The following DPF3 variants were observed in gnomAD, a reference collection of about 807,000 sequenced individuals.
DPF3 encodes the protein zinc finger protein DPF3.
A neutral mutation model predicts 56.8 loss-of-function variants in DPF3; 18 were observed. That is an observed-to-expected ratio of 0.32 (90% CI 0.22 to 0.47). The LOEUF (loss-of-function observed/expected upper bound fraction) is 0.47, where lower values mean the gene tolerates loss of function less well. Ranked by LOEUF, DPF3 falls within the 20% of genes least tolerant of loss-of-function variation. The pLI is 1.00. For synonymous variants in DPF3, 188 were observed against 180.2 expected (o/e 1.04, Z -0.35); for missense variants, 403 against 488.8 (o/e 0.82, Z 1.65).
At chr14:72,881,468 G>A (rs746022165) in intron 1 of DPF3, among the ~76,000 whole-genome samples, 4 of 152,076 alleles carry the variant, frequency 2.6e-5, no homozygotes, top group Non-Finnish European at 4.4e-5. Context: ...TCCCTGTGTC[G>A]ATAGTGGGAA....
At chr14:72,857,294 G>C (rs911947147) in intron 1 of DPF3, among the ~76,000 whole-genome samples, 1 of 151,976 alleles carries the variant, frequency 6.6e-6, no homozygotes, top group African/African-American at 2.4e-5. Flanking sequence ...GATTTTATGG[G>C]GGAAAAGAAT....
chr14:72,737,124 C>T (rs568941080), intron 3 of DPF3, among the ~76,000 whole-genome samples: 6 of 151,130 alleles, frequency 4.0e-5, no homozygotes, highest in East Asian at 3.9e-4. Context: ...AAAAAACCTC[C>T]GAGACAAACA....
rs1883874874 is a variant in DPF3 at position 72,613,302 on chromosome 14, G to T, written c.*5995C>A. 6.6e-6 allele frequency among the ~76,000 whole-genome samples: 1 copy of T among 152,132 alleles called. No individual in the cohort carries two copies. Among genetic ancestry groups the T allele is most frequent in the African/African-American group, 2.4e-5 (1 of 41,418 alleles). On this transcript the variant is annotated 3_prime_UTR_variant, in exon 11 of 11. Transcript: ENST00000556509. ...ATGGCCGCGTTTATTTGCTAGACAG[G>T]GTTGGTGCCAGCCTACAGGGCCATT... is the stretch of plus-strand genomic sequence containing the variant.
chr14:72,741,008 T>C (rs897856838), intron 3 of DPF3, among the ~76,000 whole-genome samples: 2 of 152,022 alleles, frequency 1.3e-5, no homozygotes, highest in Admixed American at 6.5e-5. Flanking sequence ...AGTTCAAATA[T>C]AGCCTAAGGA....
At chr14:72,685,580 C>T (rs1887373188) in intron 7 of DPF3, among the ~76,000 whole-genome samples, 2 of 152,192 alleles carry the variant, frequency 1.3e-5, no homozygotes, top group South Asian at 4.1e-4. Context: ...TGGTACATGA[C>T]TCATGAATTC....
At chr14:72,698,285 G>A (rs1260457668) in intron 6 of DPF3, among the ~76,000 whole-genome samples, 1 of 152,168 alleles carries the variant, frequency 6.6e-6, no homozygotes, top group Non-Finnish European at 1.5e-5. Context: ...CTGTTTTTCA[G>A]TTCAGTATTC....
At chr14:72,730,467 C>T (rs1217674952) in intron 4 of DPF3, among the ~76,000 whole-genome samples, 1 of 152,114 alleles carries the variant, frequency 6.6e-6, no homozygotes, top group African/African-American at 2.4e-5. Flanking sequence ...GAGAAGAAGG[C>T]CAAATTCTGT....
intron 4 of DPF3, among the ~76,000 whole-genome samples, chr14:72,727,948 T>A (rs912346041): frequency 2.0e-5 from 3 of 152,228 alleles, no homozygotes; most frequent in Non-Finnish European, 4.4e-5. Flanking sequence ...AGCAGACCCA[T>A]GCGCTGCACT....
intron 1 of DPF3, among the ~76,000 whole-genome samples, chr14:72,813,712 C>T (rs970958820): frequency 6.6e-6 from 1 of 152,214 alleles, no homozygotes; most frequent in African/African-American, 2.4e-5. Context: ...AGGCAGGGCA[C>T]TTAACCTTTA....
At chr14:72,672,929 T>TA (rs1443510590) in intron 8 of DPF3, among the ~76,000 whole-genome samples, 8 of 152,004 alleles carry the variant, frequency 5.3e-5, no homozygotes, top group Non-Finnish European at 1.2e-4. Context: ...TTAAGTATCT[T>TA]AAAAAAACAG....
At chr14:72,722,941 C>T (rs1329635061) in intron 5 of DPF3, among the ~76,000 whole-genome samples, 1 of 152,090 alleles carries the variant, frequency 6.6e-6, no homozygotes, top group Non-Finnish European at 1.5e-5. Flanking sequence ...TCTCAAGCCT[C>T]CAGAGCTCAT....
chr14:72,835,637 A>G (rs1242335252), intron 1 of DPF3, among the ~76,000 whole-genome samples: 1 of 152,112 alleles, frequency 6.6e-6, no homozygotes, highest in Non-Finnish European at 1.5e-5. Context: ...GAGACCCTTA[A>G]ATGTCTTCAC....
In DPF3 at chr14:72,701,544, C is replaced by T. The variant is rs565246387; in HGVS notation, c.605-8331G>A. Among the ~76,000 whole-genome samples, 8 of 152,236 alleles carry T rather than the reference C, an allele frequency of 5.3e-5. No individual in the cohort carries two copies. In the South Asian group the frequency reaches 6.2e-4, roughly 12 times the overall value. On this transcript the variant is annotated intron_variant, in intron 6 of 10. Transcript: ENST00000556509. ...AAACCTACCCCACTCCTAGTCTGGG[C>T]GGGGGTCGGGGGGAGCAGGGAGGAG...
At chr14:72,667,443 A>C (rs900160785) in intron 8 of DPF3, among the ~76,000 whole-genome samples, 1 of 152,184 alleles carries the variant, frequency 6.6e-6, no homozygotes, top group Non-Finnish European at 1.5e-5. Flanking sequence ...GGACTCAGAA[A>C]ACTCAGGGTG....
In DPF3 at chr14:72,670,209, A is replaced by G. The variant is rs796548903; in HGVS notation, c.871+4031T>C. On this transcript the variant is annotated intron_variant, in intron 8 of 10. Coordinates refer to ENST00000556509, the MANE Select transcript of DPF3 (RefSeq NM_001280542.3). Reference sequence around the variant, plus strand: ...GAAACACACGATGATGTCTCCTTCTATCTTCCAGAAGCACGGCCTCGGCCT... The same window carrying G: ...GAAACACACGATGATGTCTCCTTCTGTCTTCCAGAAGCACGGCCTCGGCCT... 6.2e-5 allele frequency: 61 copies of G among 986,012 alleles called. No individual in the cohort carries two copies. In the African/African-American group the frequency reaches 9.6e-4, roughly 15 times the overall value. The allele number at this position is 986,012 out of a possible 1,614,324, so 61.1% of individuals were successfully genotyped here. A position where few individuals can be genotyped will look rare whatever the true frequency, so the allele number is the denominator to read the frequency against.
chr14:72,632,369 G>A (rs997385580), intron 8 of DPF3, among the ~76,000 whole-genome samples: 1 of 152,122 alleles, frequency 6.6e-6, no homozygotes, highest in Non-Finnish European at 1.5e-5. Context: ...TCAATTGCCT[G>A]GTTTTGATAT....
intron 8 of DPF3, among the ~76,000 whole-genome samples, chr14:72,655,294 A>G (rs371583589): frequency 6.6e-6 from 1 of 152,140 alleles, no homozygotes; most frequent in Non-Finnish European, 1.5e-5. Flanking sequence ...AACATATATA[A>G]ATATAATTGT....
intron 1 of DPF3, among the ~76,000 whole-genome samples, chr14:72,804,229 A>ACACACG (rs1893001757): frequency 1.3e-5 from 2 of 150,834 alleles, no homozygotes; most frequent in South Asian, 4.2e-4. Flanking sequence ...ACACACGCAG[A>ACACACG]CAAAGATTCC....
chr14:72,609,393 T>C lies in DPF3; in HGVS notation c.*9904A>G, dbSNP rs964439299. 5.3e-5 allele frequency among the ~76,000 whole-genome samples: 8 copies of C among 152,192 alleles called. No individual in the cohort carries two copies. The highest frequency in any genetic ancestry group is 1.9e-4 in the African/African-American group (8 of 41,444). ...CCGGGTCAGGAGTCCACATCAGGTG[T>C]GGGCTGCTTCCAATCTGTAGGTTCT... On this transcript the variant is annotated 3_prime_UTR_variant, in exon 11 of 11. Coordinates refer to ENST00000556509, the MANE Select transcript of DPF3 (RefSeq NM_001280542.3).
Sources: allele counts gnomAD v4.1 joint callset (sites outside exome capture counted in the v4.1 genomes callset), GRCh38; gene constraint gnomAD v4.1.1; transcripts MANE v1.5; gene names NCBI Gene and HGNC (gene_info 2026-07-23, HGNC 2026-07-21).